The following NTRK2 variants were observed in gnomAD, a reference collection of about 807,000 sequenced individuals.
NTRK2 encodes the protein BDNF/NT-3 growth factors receptor.
Under a neutral mutation model 94.5 loss-of-function variants are expected in NTRK2, and 13 were observed. The ratio of observed to expected loss-of-function variants is 0.14; its 90% confidence interval spans 0.09 to 0.22. NTRK2 has a LOEUF of 0.22. NTRK2 is among the 10% of genes least tolerant of loss of function. NTRK2 has a pLI of 1.00. For synonymous variants in NTRK2, 372 were observed against 407.4 expected, an observed-to-expected ratio of 0.91 and a Z score of 1.05; for missense variants, 639 against 1,071.2, an observed-to-expected ratio of 0.60 and a Z score of 5.63.
chr9:84,706,809 C>G (rs148689248), intron 4 of NTRK2, among the ~76,000 whole-genome samples: 6 of 151,956 alleles, frequency 3.9e-5, no homozygotes, highest in Non-Finnish European at 8.8e-5. Context: ...GGATTACAGG[C>G]GTGAGCCACC....
chr9:84,927,288 C>A lies in NTRK2; in HGVS notation c.1634-6874C>A, dbSNP rs527643621. Among the ~76,000 whole-genome samples, 3 of 152,256 alleles carry A rather than the reference C, an allele frequency of 2.0e-5. No homozygotes were observed. In the South Asian group the frequency reaches 6.2e-4, roughly 32 times the overall value. On this transcript the variant is annotated intron_variant, in intron 14 of 18. Transcript: ENST00000277120. ...CTTGTCTTAACTTCCTATTTTATTT[C>A]TCTTGACTTCAGTTATTATTACAGT... is the stretch of plus-strand genomic sequence containing the variant.
At chr9:84,990,530 TTC>T (rs1437865985) in intron 17 of NTRK2, among the ~76,000 whole-genome samples, 5 of 152,346 alleles carry the variant, frequency 3.3e-5, no homozygotes, top group Admixed American at 6.5e-5. Flanking sequence ...CCTGGCTTGT[TTC>T]TGTGTTGTCA....
intron 12 of NTRK2, chr9:84,814,622 G>T: frequency 9.4e-7 from 1 of 1,065,486 alleles, no homozygotes; most frequent in Non-Finnish European, 1.1e-6. Context: ...TTACACCTCC[G>T]CCTGTTTTGG....
At position 84,826,206 on chromosome 9, in the gene NTRK2, G is replaced by A. The variant is rs540744647; in HGVS notation, c.1397-34834G>A. Among the ~76,000 whole-genome samples the A allele has an allele frequency of 2.0e-5, 3 of 152,254 alleles. No homozygotes were observed. In the East Asian group the frequency reaches 5.8e-4, roughly 29 times the overall value. ...GTGGAGTCTGGAAGTTTGAAAGTGA[G>A]GTGTTGACAGGGTTGGTTCCTTTTG... On this transcript the variant is annotated intron_variant, in intron 12 of 18. Transcript: ENST00000277120.
intron 9 of NTRK2, among the ~76,000 whole-genome samples, chr9:84,732,318 T>G (rs2062947450): frequency 6.6e-6 from 1 of 152,218 alleles, no homozygotes; most frequent in South Asian, 2.1e-4. Flanking sequence ...CTGGAGACTT[T>G]TTGTCACTAT....
intron 2 of NTRK2, among the ~76,000 whole-genome samples, chr9:84,700,751 C>T (rs1012710234): frequency 6.6e-6 from 1 of 152,084 alleles, no homozygotes; most frequent in Non-Finnish European, 1.5e-5. Flanking sequence ...TTTTAACTCA[C>T]ATTGTTAACA....
At position 85,025,685 on chromosome 9, in the gene NTRK2, T is replaced by G. The variant is rs1833000485; in HGVS notation, c.*4248T>G. The G allele has an allele frequency of 4.3e-6, 1 of 233,136 alleles. No homozygotes were observed. The highest frequency in any genetic ancestry group is 8.5e-6 in the Non-Finnish European group (1 of 118,006). The allele number at this position is 233,136 out of a possible 1,614,324, so 14.4% of individuals were successfully genotyped here. ...CCTCAATTCTCTTGCTTCCCCATTTTCTTTTTCATCCCCTGTCTCAGGACT... is the reference window on the plus strand; with the variant it reads ...CCTCAATTCTCTTGCTTCCCCATTTGCTTTTTCATCCCCTGTCTCAGGACT... On this transcript the variant is annotated 3_prime_UTR_variant, in exon 19 of 19. Transcript: ENST00000277120.
At chr9:84,802,666 T>C (rs987669227) in intron 12 of NTRK2, among the ~76,000 whole-genome samples, 1 of 152,210 alleles carries the variant, frequency 6.6e-6, no homozygotes, top group African/African-American at 2.4e-5. Flanking sequence ...AGTCGGAACA[T>C]ATATAAGGCT....
intron 14 of NTRK2, among the ~76,000 whole-genome samples, chr9:84,905,172 C>A (rs2077035007): frequency 6.6e-6 from 1 of 151,958 alleles, no homozygotes. Context: ...ACAAAATGTC[C>A]CTCTGAAGGG....
At chr9:84,873,208 T>C (rs2075932632) in intron 14 of NTRK2, 1 of 1,061,968 alleles carries the variant, frequency 9.4e-7, no homozygotes, top group Non-Finnish European at 1.1e-6. Context: ...CTTTGCCTAT[T>C]AATGTTTTGT....
chr9:84,875,157 A>G, intron 14 of NTRK2: 1 of 1,059,134 alleles, frequency 9.4e-7, no homozygotes, highest in South Asian at 4.6e-5. Context: ...GTCTGACCAT[A>G]TGTGTCCTTG....
chr9:84,785,100 A>C (rs985490486), intron 12 of NTRK2, among the ~76,000 whole-genome samples: 1 of 152,144 alleles, frequency 6.6e-6, no homozygotes, highest in Non-Finnish European at 1.5e-5. Flanking sequence ...TAGAGAAAGC[A>C]CCTTCTTTAT....
rs138359526 is a variant in NTRK2 at position 84,943,156 on chromosome 9, A to G, written c.1765-5306A>G. On this transcript the variant is annotated intron_variant, in intron 15 of 18. Transcript: ENST00000277120. Reference sequence around the variant, plus strand: ...ATGAGAAGAAGAATATAAGATCAGTACTTTTAAAAAGAACACAACCTCTAT... The same window carrying G: ...ATGAGAAGAAGAATATAAGATCAGTGCTTTTAAAAAGAACACAACCTCTAT... Among the ~76,000 whole-genome samples the G allele has an allele frequency of 1.5e-3, 222 of 152,308 alleles. 3 individuals are homozygous for G. Among genetic ancestry groups the G allele is most frequent in the African/African-American group, 4.8e-3 (199 of 41,574 alleles).
chr9:84,692,468 C>CTTTTTTTTTTTTTTTTTTTT (rs71369138), intron 2 of NTRK2, among the ~76,000 whole-genome samples: 9 of 87,686 alleles, frequency 1.0e-4, no homozygotes, highest in African/African-American at 1.3e-4. Context: ...TTCTTTTTTT[C>CTTTTTTTTTTTTTTTTTTTT]TTTTTTTTTT....
At chr9:84,718,325 A>G (rs1030311429) in intron 6 of NTRK2, among the ~76,000 whole-genome samples, 1 of 152,116 alleles carries the variant, frequency 6.6e-6, no homozygotes, top group African/African-American at 2.4e-5. Flanking sequence ...ACTCAGACAT[A>G]TTGGAAAAGA....
At chr9:85,016,138 G>A (rs1832200356) in intron 17 of NTRK2, among the ~76,000 whole-genome samples, 1 of 152,140 alleles carries the variant, frequency 6.6e-6, no homozygotes, top group South Asian at 2.1e-4. Flanking sequence ...TGAGGTGGTG[G>A]GTGATTCCGG....
At chr9:84,831,167 C>A (rs1010986855) in intron 12 of NTRK2, among the ~76,000 whole-genome samples, 3 of 152,276 alleles carry the variant, frequency 2.0e-5, no homozygotes, top group Admixed American at 6.5e-5. Flanking sequence ...CTGTCCATAT[C>A]TCTGGATTTT....
intron 14 of NTRK2, among the ~76,000 whole-genome samples, chr9:84,889,431 G>T (rs1393085287): frequency 6.6e-6 from 1 of 151,836 alleles, no homozygotes; most frequent in Non-Finnish European, 1.5e-5. Context: ...ATTTATTTTT[G>T]ATACAGAGTC....
intron 14 of NTRK2, among the ~76,000 whole-genome samples, chr9:84,869,377 C>G (rs2075739636): frequency 6.6e-6 from 1 of 152,068 alleles, no homozygotes; most frequent in Admixed American, 6.6e-5. Context: ...CTCAGTCACT[C>G]CACACCATAT....
Sources: gnomAD v4.1 joint callset for allele counts (sites outside exome capture counted in the v4.1 genomes callset) on GRCh38, gnomAD v4.1.1 for gene constraint, MANE v1.5 for transcripts, NCBI Gene and HGNC (gene_info 2026-07-23, HGNC 2026-07-21) for gene names.